Variants in SORCS2 observed in about 807,000 individuals in gnomAD.
SORCS2 encodes the protein VPS10 domain-containing receptor SorCS2.
Under a neutral mutation model 141.6 loss-of-function variants are expected in SORCS2, and 100 were observed. The ratio of observed to expected loss-of-function variants is 0.71; its 90% CI spans 0.60 to 0.83. The LOEUF is 0.83. SORCS2 is among the 40% of genes least tolerant of loss of function. SORCS2 has a pLI of 0.00. For missense variants in SORCS2, 1,646 were observed against 1,560.2 expected (o/e 1.05, Z -0.93); for synonymous variants, 789 against 676.9 (o/e 1.17, Z -2.57).
intron 3 of SORCS2, among the ~76,000 whole-genome samples, chr4:7,612,752 A>G: frequency 6.6e-6 from 1 of 152,198 alleles, no homozygotes; most frequent in Non-Finnish European, 1.5e-5. Flanking sequence ...TGCACACTCT[A>G]TTATGCTGTA....
chr4:7,510,917 C>T (rs1380964645), intron 2 of SORCS2, among the ~76,000 whole-genome samples: 2 of 152,176 alleles, frequency 1.3e-5, no homozygotes, highest in African/African-American at 4.8e-5. Flanking sequence ...TCTGACTGTC[C>T]CGTAGTGGGC....
At chr4:7,198,412 G>A (rs1005256161) in intron 1 of SORCS2, among the ~76,000 whole-genome samples, 2 of 152,216 alleles carry the variant, frequency 1.3e-5, no homozygotes, top group African/African-American at 4.8e-5. Flanking sequence ...GTGGCTCCAA[G>A]CTTGGGGTTT....
chr4:7,374,616 A>G (rs147396070), intron 1 of SORCS2, among the ~76,000 whole-genome samples: 2 of 152,070 alleles, frequency 1.3e-5, no homozygotes, highest in African/African-American at 4.8e-5. Context: ...CCTTGCCCCC[A>G]TCCTTCCCGA....
chr4:7,668,542 C>G (rs4689818), intron 8 of SORCS2, among the ~76,000 whole-genome samples: 47,836 of 152,026 alleles, frequency 0.31, 8,969 homozygotes, highest in African/African-American at 0.53. Context: ...AAAGTGCTTG[C>G]ACATGGGAGC....
Position 7,565,655 on chromosome 4 carries a change from A to G in SORCS2, c.648+34026A>G, listed in dbSNP as rs373069945. On this transcript the variant is annotated intron_variant, in intron 3 of 26. Coordinates refer to ENST00000507866, the MANE Select transcript of SORCS2 (RefSeq NM_020777.3). The stretch of plus-strand genomic sequence containing the variant: ...GGTGATGATGGTGATTTTTATGGTG[A>G]TGATGTGATGATGCTGATGATGTGA... 4.7e-5 allele frequency among the ~76,000 whole-genome samples: 7 copies of G among 148,806 alleles called. No individual in the cohort carries two copies. The East Asian group carries it at 1.2e-3, about 25-fold the overall frequency.
chr4:7,535,229 A>G (rs1421372036), intron 3 of SORCS2, among the ~76,000 whole-genome samples: 2 of 152,222 alleles, frequency 1.3e-5, no homozygotes, highest in Non-Finnish European at 2.9e-5. Context: ...AGGCACCAGG[A>G]GGCCCACCAA....
At chr4:7,739,533 C>G (rs1489760632) in intron 26 of SORCS2, among the ~76,000 whole-genome samples, 2 of 152,230 alleles carry the variant, frequency 1.3e-5, no homozygotes, top group Non-Finnish European at 2.9e-5. Context: ...CCCCGTCTGA[C>G]CCACGCCAGT....
chr4:7,460,911 A>T (rs1019375617), intron 2 of SORCS2, among the ~76,000 whole-genome samples: 1 of 152,078 alleles, frequency 6.6e-6, no homozygotes, highest in African/African-American at 2.4e-5. Flanking sequence ...TGAATTTTTC[A>T]TGGGACCACA....
intron 1 of SORCS2, among the ~76,000 whole-genome samples, chr4:7,263,389 C>G (rs1260911520): frequency 6.6e-6 from 1 of 151,930 alleles, no homozygotes; most frequent in Non-Finnish European, 1.5e-5. Flanking sequence ...AGGACCTTGT[C>G]AAAGAAAGCA....
At chr4:7,382,936 C>T (rs945701739) in intron 1 of SORCS2, among the ~76,000 whole-genome samples, 9 of 152,136 alleles carry the variant, frequency 5.9e-5, no homozygotes, top group Non-Finnish European at 1.3e-4. Flanking sequence ...AAAAAATGAA[C>T]TTTTAGGTGG....
At chr4:7,715,105 C>T (rs1441373093) in intron 16 of SORCS2, 78 bp from the exon 17 acceptor site, 1 of 1,583,150 alleles carries the variant, frequency 6.3e-7, no homozygotes, top group African/African-American at 1.3e-5. Flanking sequence ...CTCAGCTCCC[C>T]CAGATTTCAC....
intron 3 of SORCS2, among the ~76,000 whole-genome samples, chr4:7,630,598 G>A (rs1392795827): frequency 6.6e-6 from 1 of 152,182 alleles, no homozygotes; most frequent in African/African-American, 2.4e-5. Flanking sequence ...CACCAGGCTA[G>A]CCGCCGGAGT....
At chr4:7,634,681 C>T (rs1481311109) in intron 3 of SORCS2, among the ~76,000 whole-genome samples, 3 of 152,180 alleles carry the variant, frequency 2.0e-5, no homozygotes, top group Non-Finnish European at 4.4e-5. Flanking sequence ...CCCTCAAGCG[C>T]GGGCTGTGCG....
intron 1 of SORCS2, among the ~76,000 whole-genome samples, chr4:7,294,488 C>T (rs1412572569): frequency 6.6e-6 from 1 of 151,764 alleles, no homozygotes; most frequent in African/African-American, 2.4e-5. Flanking sequence ...GTGTGCAGAG[C>T]ACCTGCCCCA....
At chr4:7,703,822 G>A (rs1392378084) in intron 13 of SORCS2, among the ~76,000 whole-genome samples, 1 of 152,180 alleles carries the variant, frequency 6.6e-6, no homozygotes, top group Non-Finnish European at 1.5e-5. Flanking sequence ...CAGTATCACT[G>A]TAGTCTGAAA....
chr4:7,587,054 G>C (rs1319184337), intron 3 of SORCS2, among the ~76,000 whole-genome samples: 1 of 152,070 alleles, frequency 6.6e-6, no homozygotes, highest in African/African-American at 2.4e-5. Flanking sequence ...GATGATCGGA[G>C]ATGGGCGGGG....
Position 7,740,377 on chromosome 4 carries a change from C to A in SORCS2, c.*113C>A. The A allele has an allele frequency of 2.1e-6, 2 of 974,162 alleles. No homozygotes were observed. The highest frequency in any genetic ancestry group is 3.1e-6 in the Non-Finnish European group (2 of 639,590). 60.3% of individuals were successfully genotyped at this position (974,162 alleles called of 1,614,324 possible). On this transcript the variant is annotated 3_prime_UTR_variant, in exon 27 of 27. Coordinates refer to ENST00000507866, the MANE Select transcript of SORCS2 (RefSeq NM_020777.3). The stretch of plus-strand genomic sequence containing the variant: ...GCGGAAAGCCCCCTCCCTGAGTCGT[C>A]GCCACACCAGGCGACAGGCACCACC...
In SORCS2 at chr4:7,728,470, C is replaced by T. The variant is rs1159416984; in HGVS notation, c.2982+8C>T. The T allele has an allele frequency of 6.2e-7, 1 of 1,601,618 alleles. No individual in the cohort carries two copies. The highest frequency in any genetic ancestry group is 1.7e-5 in the Admixed American group (1 of 59,004). ...ACCCGGCTGCTCTCCAAGGTGTCCA[C>T]CCAGAGCCTAGAGCCTCCCCAGCCC... On this transcript the variant is annotated splice_region_variant and intron_variant, in intron 22 of 26. Transcript: ENST00000507866.
intron 1 of SORCS2, among the ~76,000 whole-genome samples, chr4:7,358,766 G>A (rs753896274): frequency 1.3e-5 from 2 of 152,192 alleles, no homozygotes; most frequent in Non-Finnish European, 2.9e-5. Flanking sequence ...GATTTTGGGG[G>A]AATGTCCCAT....
Sources: allele counts gnomAD v4.1 joint callset (sites outside exome capture counted in the v4.1 genomes callset), GRCh38; gene constraint gnomAD v4.1.1; transcripts MANE v1.5; gene names NCBI Gene and HGNC (gene_info 2026-07-23, HGNC 2026-07-21).